Variants in CNTNAP2 observed in about 807,000 individuals in gnomAD.
CNTNAP2 encodes the protein contactin-associated protein-like 2.
In CNTNAP2, 98 loss-of-function variants were observed where a neutral mutation model predicts 155.2. The observed-to-expected ratio is 0.63, with a 90% CI of 0.54 to 0.75. The LOEUF is 0.75. Among genes scored for constraint, CNTNAP2 ranks in the 30% least tolerant of loss-of-function variants. The pLI is 0.00. For missense variants in CNTNAP2, 1,727 were observed against 1,688.1 expected, an observed-to-expected ratio of 1.02 and a Z score of -0.40; for synonymous variants, 651 against 631.2, an observed-to-expected ratio of 1.03 and a Z score of -0.47.
chr7:147,711,416 C>T (rs566291941), intron 13 of CNTNAP2, among the ~76,000 whole-genome samples: 1 of 152,296 alleles, frequency 6.6e-6, no homozygotes, highest in Non-Finnish European at 1.5e-5. Flanking sequence ...CTCTGCTGTA[C>T]TCACATCGAA....
At chr7:148,146,827 C>T (rs1420221375) in intron 16 of CNTNAP2, among the ~76,000 whole-genome samples, 1 of 152,144 alleles carries the variant, frequency 6.6e-6, no homozygotes, top group Non-Finnish European at 1.5e-5. Context: ...CAATAGGTTA[C>T]CCTCATTACA....
At chr7:147,844,881 A>G (rs1798801685) in intron 13 of CNTNAP2, among the ~76,000 whole-genome samples, 1 of 132,114 alleles carries the variant, frequency 7.6e-6, no homozygotes, top group Admixed American at 8.4e-5. Context: ...GGCTCTGTTT[A>G]TATGCTGGAT....
At chr7:146,332,179 TA>T (rs1434644893) in intron 1 of CNTNAP2, among the ~76,000 whole-genome samples, 1 of 151,806 alleles carries the variant, frequency 6.6e-6, no homozygotes, top group African/African-American at 2.4e-5. Flanking sequence ...TTTAAATTTC[TA>T]AAAATGTAGT....
At chr7:147,172,655 C>T (rs923293369) in intron 8 of CNTNAP2, among the ~76,000 whole-genome samples, 1 of 151,830 alleles carries the variant, frequency 6.6e-6, no homozygotes, top group African/African-American at 2.4e-5. Flanking sequence ...AAAATAGTTA[C>T]CTACCTTTAA....
intron 1 of CNTNAP2, among the ~76,000 whole-genome samples, chr7:146,233,051 G>A (rs895246285): frequency 6.6e-6 from 1 of 152,088 alleles, no homozygotes; most frequent in Non-Finnish European, 1.5e-5. Context: ...CTACATGTTA[G>A]AGTATACAAT....
At chr7:147,368,819 C>T (rs1353338607) in intron 9 of CNTNAP2, among the ~76,000 whole-genome samples, 1 of 152,204 alleles carries the variant, frequency 6.6e-6, no homozygotes, top group African/African-American at 2.4e-5. Context: ...TGGTATTTCT[C>T]ACAACTCATT....
intron 3 of CNTNAP2, among the ~76,000 whole-genome samples, chr7:146,882,369 G>A (rs1795569168): frequency 6.6e-6 from 1 of 152,006 alleles, no homozygotes; most frequent in Non-Finnish European, 1.5e-5. Context: ...ATCTCATCTT[G>A]AATTGTAATC....
intron 1 of CNTNAP2, among the ~76,000 whole-genome samples, chr7:146,395,492 G>C (rs1795607101): frequency 6.6e-6 from 1 of 152,048 alleles, no homozygotes; most frequent in Non-Finnish European, 1.5e-5. Context: ...GGGGGTAGGT[G>C]AGCCCTCCTC....
chr7:146,117,706 T>C (rs952093446), intron 1 of CNTNAP2, among the ~76,000 whole-genome samples: 1 of 151,508 alleles, frequency 6.6e-6, no homozygotes, highest in East Asian at 1.9e-4. Context: ...GTGTGTGTGT[T>C]TGTGTGTGTG....
intron 11 of CNTNAP2, among the ~76,000 whole-genome samples, chr7:147,558,199 T>G (rs374100998): frequency 6.6e-6 from 1 of 152,206 alleles, no homozygotes; most frequent in Admixed American, 6.5e-5. Context: ...TATGTATTTA[T>G]AAACATTTTT....
chr7:148,139,780 C>T (rs1330056719), intron 16 of CNTNAP2, among the ~76,000 whole-genome samples: 1 of 152,078 alleles, frequency 6.6e-6, no homozygotes, highest in East Asian at 1.9e-4. Context: ...ACCTCATAAG[C>T]CACCCGCCTC....
At chr7:147,960,033 A>G (rs1302160702) in intron 14 of CNTNAP2, among the ~76,000 whole-genome samples, 1 of 152,092 alleles carries the variant, frequency 6.6e-6, no homozygotes. Flanking sequence ...TCCTTCCTTT[A>G]GGCTCAGAGA....
chr7:148,322,176 G>A (rs1297302437), intron 21 of CNTNAP2, among the ~76,000 whole-genome samples: 1 of 152,106 alleles, frequency 6.6e-6, no homozygotes, highest in Non-Finnish European at 1.5e-5. Flanking sequence ...GCCCACCTTG[G>A]CCTCCCAAAG....
chr7:147,118,759 G>A (rs1024966659), intron 5 of CNTNAP2, among the ~76,000 whole-genome samples: 2 of 152,082 alleles, frequency 1.3e-5, no homozygotes, highest in Admixed American at 6.6e-5. Flanking sequence ...AAATAGAATG[G>A]ATACAGTGAA....
At chr7:148,027,850 A>G (rs1802401169) in intron 15 of CNTNAP2, among the ~76,000 whole-genome samples, 1 of 152,152 alleles carries the variant, frequency 6.6e-6, no homozygotes, top group Non-Finnish European at 1.5e-5. Context: ...AGGTTGAAAC[A>G]CTCAACTTGG....
At chr7:146,537,175 A>G (rs545584239) in intron 1 of CNTNAP2, among the ~76,000 whole-genome samples, 12 of 152,236 alleles carry the variant, frequency 7.9e-5, no homozygotes, top group Admixed American at 3.3e-4. Flanking sequence ...TATACATGAC[A>G]ATATCTGTAT....
At chr7:146,167,179 C>G (rs1333325729) in intron 1 of CNTNAP2, among the ~76,000 whole-genome samples, 1 of 152,216 alleles carries the variant, frequency 6.6e-6, no homozygotes, top group Non-Finnish European at 1.5e-5. Context: ...TGTAACCAAA[C>G]CACAAATCCA....
At chr7:146,342,109 T>C (rs1315230329) in intron 1 of CNTNAP2, among the ~76,000 whole-genome samples, 1 of 152,154 alleles carries the variant, frequency 6.6e-6, no homozygotes, top group Non-Finnish European at 1.5e-5. Flanking sequence ...CAGATTATGC[T>C]TGCCATTTAC....
intron 13 of CNTNAP2, among the ~76,000 whole-genome samples, chr7:147,796,723 C>G (rs78918453): frequency 0.036 from 5,529 of 152,238 alleles, 165 homozygotes; most frequent in Non-Finnish European, 0.059. Context: ...CACAGCTGGG[C>G]AAGGATGCAC....
Sources: gnomAD v4.1 joint callset for allele counts (sites outside exome capture counted in the v4.1 genomes callset) on GRCh38, gnomAD v4.1.1 for gene constraint, MANE v1.5 for transcripts, NCBI Gene and HGNC (gene_info 2026-07-23, HGNC 2026-07-21) for gene names.